The following DLG2 variants were observed in gnomAD, a reference collection of about 807,000 sequenced individuals.
DLG2 encodes discs large MAGUK scaffold protein 2.
A neutral mutation model predicts 132.5 loss-of-function variants in DLG2; 45 were observed. That is an observed-to-expected ratio of 0.34 (90% CI 0.27 to 0.44). The LOEUF is 0.44. Ranked by LOEUF, DLG2 falls within the 20% of genes least tolerant of loss-of-function variation. The pLI is 1.00. For synonymous variants in DLG2, 424 were observed against 419.6 expected, an observed-to-expected ratio of 1.01 and a Z score of -0.13; for missense variants, 1,045 against 1,196.9, an observed-to-expected ratio of 0.87 and a Z score of 1.87.
chr11:84,655,710 C>A (rs1317644764), intron 6 of DLG2, among the ~76,000 whole-genome samples: 1 of 151,254 alleles, frequency 6.6e-6, no homozygotes, highest in African/African-American at 2.4e-5. Flanking sequence ...AAAATGATGA[C>A]CAAACTGTAC....
chr11:83,937,367 C>G (rs2081679120), intron 14 of DLG2, among the ~76,000 whole-genome samples: 1 of 151,796 alleles, frequency 6.6e-6, no homozygotes, highest in Non-Finnish European at 1.5e-5. Context: ...ATTAGCCGGG[C>G]TTGGTGGCGG....
chr11:84,247,798 T>A (rs1357406004), intron 8 of DLG2, among the ~76,000 whole-genome samples: 15 of 152,222 alleles, frequency 9.9e-5, no homozygotes, highest in Non-Finnish European at 1.6e-4. Flanking sequence ...TCATTTGCAT[T>A]TGTGCCAAGG....
chr11:84,998,431 G>C (rs565355181), intron 6 of DLG2, among the ~76,000 whole-genome samples: 1 of 152,250 alleles, frequency 6.6e-6, no homozygotes, highest in South Asian at 2.1e-4. Flanking sequence ...AGGCCTCCAA[G>C]ACATGCAGAA....
At chr11:83,637,959 CA>C in intron 18 of DLG2, among the ~76,000 whole-genome samples, 1 of 152,296 alleles carries the variant, frequency 6.6e-6, no homozygotes, top group Admixed American at 6.5e-5. Context: ...AGGTATAAAA[CA>C]ATATTAAAAT....
At chr11:85,541,816 C>T (rs926743322) in intron 3 of DLG2, among the ~76,000 whole-genome samples, 6 of 152,188 alleles carry the variant, frequency 3.9e-5, no homozygotes, top group African/African-American at 7.2e-5. Flanking sequence ...TATTCCCTAT[C>T]TCCTAATACT....
At chr11:84,884,171 T>C (rs527747161) in intron 6 of DLG2, among the ~76,000 whole-genome samples, 7 of 152,248 alleles carry the variant, frequency 4.6e-5, no homozygotes, top group African/African-American at 1.7e-4. Context: ...GTGATTTCTA[T>C]TGCTGTAGAC....
chr11:84,299,680 A>G (rs547282769), intron 7 of DLG2, among the ~76,000 whole-genome samples: 1 of 152,300 alleles, frequency 6.6e-6, no homozygotes, highest in South Asian at 2.1e-4. Context: ...CTTGCGTTTG[A>G]TTTAGTTATT....
At chr11:84,795,180 G>A (rs1201354789) in intron 6 of DLG2, among the ~76,000 whole-genome samples, 1 of 152,210 alleles carries the variant, frequency 6.6e-6, no homozygotes, top group African/African-American at 2.4e-5. Flanking sequence ...CCGGACTTGG[G>A]CAGATGTCAG....
chr11:84,045,361 T>C (rs1373322153), intron 11 of DLG2, among the ~76,000 whole-genome samples: 1 of 151,644 alleles, frequency 6.6e-6, no homozygotes, highest in Admixed American at 6.6e-5. Flanking sequence ...ACTACTGAGA[T>C]TGATATCAAT....
At chr11:83,565,181 T>A (rs192997690) in intron 19 of DLG2, among the ~76,000 whole-genome samples, 1 of 152,262 alleles carries the variant, frequency 6.6e-6, no homozygotes, top group East Asian at 1.9e-4. Flanking sequence ...TGTTACTGAG[T>A]ACTGAGATTA....
At chr11:84,316,209 A>C in intron 7 of DLG2, among the ~76,000 whole-genome samples, 1 of 152,186 alleles carries the variant, frequency 6.6e-6, no homozygotes, top group East Asian at 1.9e-4. Context: ...ATATAAACTT[A>C]TTGCTTCTCC....
intron 15 of DLG2, among the ~76,000 whole-genome samples, chr11:83,903,726 A>G (rs893300566): frequency 2.0e-5 from 3 of 152,172 alleles, no homozygotes; most frequent in Admixed American, 2.0e-4. Context: ...ACATCTTAAA[A>G]TAAGTGTTCA....
At chr11:85,535,984 G>A (rs1170064342) in intron 3 of DLG2, among the ~76,000 whole-genome samples, 3 of 152,050 alleles carry the variant, frequency 2.0e-5, no homozygotes, top group Non-Finnish European at 2.9e-5. Context: ...GGGAGGCCAA[G>A]GCAGGCAGAT....
Position 85,311,750 on chromosome 11 carries a change from T to C in DLG2, c.41-26385A>G, listed in dbSNP as rs542930503. On this transcript the variant is annotated intron_variant, in intron 3 of 27. Coordinates refer to ENST00000376104, the MANE Select transcript of DLG2 (RefSeq NM_001142699.3). ...CAACATGCCCTTCAAATATTGAAGATAGCTCAGATCTTTCCAAAGTCCTAT... is the reference window on the plus strand; with the variant it reads ...CAACATGCCCTTCAAATATTGAAGACAGCTCAGATCTTTCCAAAGTCCTAT... 1.7e-4 allele frequency among the ~76,000 whole-genome samples: 26 copies of C among 152,222 alleles called. No individual in the cohort carries two copies. In the South Asian group the frequency reaches 2.1e-3, roughly 12 times the overall value.
At chr11:84,559,443 A>C (rs1277030204) in intron 6 of DLG2, among the ~76,000 whole-genome samples, 1 of 152,190 alleles carries the variant, frequency 6.6e-6, no homozygotes, top group Non-Finnish European at 1.5e-5. Context: ...AATGTAATTA[A>C]ATAAATCATT....
chr11:84,460,096 G>T (rs1382591696), intron 7 of DLG2, among the ~76,000 whole-genome samples: 4 of 150,394 alleles, frequency 2.7e-5, no homozygotes, highest in Non-Finnish European at 6.0e-5. Context: ...TTATCAAATA[G>T]GATTAATATG....
At chr11:84,267,790 G>A (rs1479523536) in intron 7 of DLG2, among the ~76,000 whole-genome samples, 3 of 152,074 alleles carry the variant, frequency 2.0e-5, no homozygotes, top group South Asian at 2.1e-4. Flanking sequence ...CTGCACAAAC[G>A]TTCTCTGCTT....
intron 3 of DLG2, among the ~76,000 whole-genome samples, chr11:85,435,146 G>C (rs963325209): frequency 6.6e-6 from 1 of 152,142 alleles, no homozygotes; most frequent in Non-Finnish European, 1.5e-5. Flanking sequence ...CAGTAAACTA[G>C]GTATTAACGG....
At chr11:83,795,362 C>G (rs910456266) in intron 17 of DLG2, among the ~76,000 whole-genome samples, 1 of 151,748 alleles carries the variant, frequency 6.6e-6, no homozygotes, top group African/African-American at 2.4e-5. Flanking sequence ...GAGCTGAGAT[C>G]GTGCCACTGC....
Sources: gnomAD v4.1 joint callset for allele counts (sites outside exome capture counted in the v4.1 genomes callset) on GRCh38, gnomAD v4.1.1 for gene constraint, MANE v1.5 for transcripts, NCBI Gene and HGNC (gene_info 2026-07-23, HGNC 2026-07-21) for gene names.